CHSY1: variants seen among roughly 807,000 people sequenced by gnomAD.
The protein encoded by CHSY1 is chondroitin sulfate synthase 1.
CHSY1 carries 13 observed loss-of-function variants against 59.8 expected under a neutral mutation model. That is an observed-to-expected ratio of 0.22 (90% CI 0.14 to 0.35). CHSY1 has a LOEUF of 0.35. CHSY1 is among the 10% of genes least tolerant of loss of function. The pLI is 1.00. For synonymous variants in CHSY1, 459 were observed against 401.2 expected (o/e 1.14, Z -1.72); for missense variants, 947 against 1,030.6 (o/e 0.92, Z 1.11).
In CHSY1 at chr15:101,177,400, C is replaced by T. The variant is rs758963248; in HGVS notation, c.2397G>A (p.Val799=). 1.3e-5 allele frequency: 21 copies of T among 1,612,460 alleles called. 1 individual carries two copies. In the Admixed American group the frequency reaches 3.4e-4, roughly 26 times the overall value. The change falls in exon 3 of 3, where the codon GTG becomes GTA. Residue 799 remains valine (V), a synonymous_variant. Transcript: ENST00000254190. ...GCAAAGCTGGACATTAGGCTGTCCT[C>T]ACTGAGCCATTATTATTGCTGCTTT... The part of the protein sequence containing the change: ...YSKSSNNNGS[V]RTA
chr15:101,181,199 C>T (rs182865853), intron 2 of CHSY1, among the ~76,000 whole-genome samples: 5 of 152,284 alleles, frequency 3.3e-5, no homozygotes, highest in Admixed American at 1.3e-4. Flanking sequence ...ACCTGAGGAT[C>T]TCATGGTAAG....
At chr15:101,218,348 G>A (rs1224948339) in intron 2 of CHSY1, among the ~76,000 whole-genome samples, 1 of 152,008 alleles carries the variant, frequency 6.6e-6, no homozygotes, top group African/African-American at 2.4e-5. Flanking sequence ...GTTAATCCCA[G>A]CCCTTTGGGA....
chr15:101,248,874 C>T (rs1036203815), intron 1 of CHSY1, among the ~76,000 whole-genome samples: 1 of 152,044 alleles, frequency 6.6e-6, no homozygotes, highest in East Asian at 1.9e-4. Context: ...GCAACCTCTG[C>T]CTCCTGGGTT....
At chr15:101,223,903 C>T (rs2038813946) in intron 2 of CHSY1, among the ~76,000 whole-genome samples, 2 of 152,256 alleles carry the variant, frequency 1.3e-5, no homozygotes, top group South Asian at 2.1e-4. Flanking sequence ...CAGTCCTGGC[C>T]CCTGTAACGA....
intron 2 of CHSY1, among the ~76,000 whole-genome samples, chr15:101,198,124 TGTGA>T (rs1246075628): frequency 1.3e-5 from 2 of 151,498 alleles, no homozygotes; most frequent in Admixed American, 6.6e-5. Context: ...CCAAGCAGAG[TGTGA>T]GTGAGAGACC....
At chr15:101,181,779 A>C (rs2038282373) in intron 2 of CHSY1, among the ~76,000 whole-genome samples, 1 of 152,168 alleles carries the variant, frequency 6.6e-6, no homozygotes, top group Admixed American at 6.5e-5. Context: ...TGGATCCTTG[A>C]ACGACGTGGG....
At chr15:101,197,211 G>C (rs2038518021) in intron 2 of CHSY1, among the ~76,000 whole-genome samples, 1 of 152,218 alleles carries the variant, frequency 6.6e-6, no homozygotes, top group African/African-American at 2.4e-5. Context: ...GGTGGAAGGA[G>C]TGGGGAGAGG....
intron 1 of CHSY1, 118 bp downstream of exon 1, chr15:101,251,019 G>T: frequency 3.0e-6 from 3 of 992,986 alleles, no homozygotes; most frequent in Non-Finnish European, 4.4e-6. Context: ...ACCCGATCCC[G>T]CCGGAAGCCC....
intron 2 of CHSY1, among the ~76,000 whole-genome samples, chr15:101,229,325 C>T (rs371995502): frequency 3.3e-5 from 5 of 152,148 alleles, no homozygotes; most frequent in South Asian, 4.1e-4. Context: ...GAGAGACACA[C>T]TTTACATTCA....
chr15:101,231,225 G>C (rs1458337120), intron 2 of CHSY1, among the ~76,000 whole-genome samples: 2 of 152,154 alleles, frequency 1.3e-5, no homozygotes, highest in Non-Finnish European at 2.9e-5. Flanking sequence ...AAACACTGCC[G>C]AAAGAACTGG....
chr15:101,196,590 A>G lies in CHSY1; in HGVS notation c.817-17610T>C, dbSNP rs544145158. On this transcript the variant is annotated intron_variant, in intron 2 of 2. Coordinates refer to ENST00000254190, the MANE Select transcript of CHSY1 (RefSeq NM_014918.5). ...CTGTAATGCCACCAAGCGGGATTAC[A>G]CCCCGAGATCCATGACTAGACTATA... 2.0e-5 allele frequency among the ~76,000 whole-genome samples: 3 copies of G among 152,342 alleles called. No homozygotes were observed. The East Asian group carries it at 5.8e-4, about 29-fold the overall frequency.
At chr15:101,208,727 A>AAG (rs1179792389) in intron 2 of CHSY1, among the ~76,000 whole-genome samples, 10 of 151,684 alleles carry the variant, frequency 6.6e-5, no homozygotes, top group African/African-American at 1.7e-4. Flanking sequence ...AAAAAAAAAA[A>AAG]AGAGATACAG....
intron 2 of CHSY1, among the ~76,000 whole-genome samples, 157 bp from the exon 3 acceptor site, chr15:101,179,137 A>G (rs949725206): frequency 3.9e-5 from 6 of 152,240 alleles, no homozygotes; most frequent in Non-Finnish European, 7.3e-5. Flanking sequence ...CAATGTGGTT[A>G]GAAGAATTCA....
In CHSY1 at chr15:101,192,718, C is replaced by G. The variant is rs536113881; in HGVS notation, c.817-13738G>C. ...CAGGTCTCACAGCACACAGCAGAGC[C>G]TGGCATTGATGTATTCCCTTAATAA... On this transcript the variant is annotated intron_variant, in intron 2 of 2. Transcript: ENST00000254190. Among the ~76,000 whole-genome samples the G allele has an allele frequency of 3.5e-4, 11 of 31,424 alleles. No homozygotes were observed. In the East Asian group the frequency reaches 0.021, roughly 61 times the overall value. The allele number at this position is 31,424 out of a possible 152,430, so 20.6% of individuals were successfully genotyped here. A position where few individuals can be genotyped will look rare whatever the true frequency, so the allele number is the denominator to read the frequency against.
chr15:101,238,472 G>A (rs1243045044), intron 1 of CHSY1, among the ~76,000 whole-genome samples: 1 of 152,184 alleles, frequency 6.6e-6, no homozygotes. Context: ...CTCTCAAAAA[G>A]TGCAAGGATT....
At chr15:101,227,875 G>A (rs1220213697) in intron 2 of CHSY1, among the ~76,000 whole-genome samples, 1 of 152,150 alleles carries the variant, frequency 6.6e-6, no homozygotes, top group Non-Finnish European at 1.5e-5. Flanking sequence ...TACACTGTAC[G>A]GAACTGGTTC....
intron 2 of CHSY1, among the ~76,000 whole-genome samples, chr15:101,185,699 CTTTTTTT>C (rs10556870): frequency 8.2e-6 from 1 of 121,358 alleles, no homozygotes; most frequent in Non-Finnish European, 1.7e-5. Context: ...CTCGAAATAT[CTTTTTTT>C]TTTTTTTTTT....
In CHSY1 at chr15:101,186,146, C is replaced by T. The variant is rs1267822940; in HGVS notation, c.817-7166G>A. Among the ~76,000 whole-genome samples the T allele has an allele frequency of 6.7e-5, 8 of 119,486 alleles. No individual in the cohort carries two copies. The Admixed American group carries it at 6.9e-4, about 10-fold the overall frequency. The allele number at this position is 119,486 out of a possible 152,430, so 78.4% of individuals were successfully genotyped here. On this transcript the variant is annotated intron_variant, in intron 2 of 2. Coordinates refer to ENST00000254190, the MANE Select transcript of CHSY1 (RefSeq NM_014918.5). ...GCAACATGGTGAAACCTTGTCTCTA[C>T]CAAAAAAAAAAAAAAAAAAAAAAAA...
intron 2 of CHSY1, among the ~76,000 whole-genome samples, chr15:101,199,165 G>A (rs967588768): frequency 6.6e-6 from 1 of 152,006 alleles, no homozygotes; most frequent in Non-Finnish European, 1.5e-5. Flanking sequence ...TGGACACTGC[G>A]CCTCCAGCTT....
Sources: allele counts gnomAD v4.1 joint callset (sites outside exome capture counted in the v4.1 genomes callset), GRCh38; gene constraint gnomAD v4.1.1; transcripts MANE v1.5; gene names NCBI Gene and HGNC (gene_info 2026-07-23, HGNC 2026-07-21).